CLNK: variants seen among roughly 807,000 people sequenced by gnomAD.
CLNK encodes the protein cytokine-dependent hematopoietic cell linker.
Under a neutral mutation model 68.6 loss-of-function variants are expected in CLNK, and 74 were observed. The ratio of observed to expected loss-of-function variants is 1.08; its 90% CI spans 0.89 to 1.31. The LOEUF is 1.31. CLNK is among the 50% of genes most tolerant of loss of function. The pLI is 0.00. For missense variants in CLNK, 553 were observed against 515.3 expected (o/e 1.07, Z -0.71); for synonymous variants, 198 against 172.2 (o/e 1.15, Z -1.17).
At chr4:10,696,717 C>A in the CLNK span, among the ~76,000 whole-genome samples, 83 of 152,270 alleles carry the variant, frequency 5.5e-4, no homozygotes, top group African/African-American at 2.0e-3. Context: ...CCCAGCCTGC[C>A]ACTTTCCCAT....
intron 4 of CLNK, among the ~76,000 whole-genome samples, chr4:10,574,760 G>A (rs1720490000): frequency 6.6e-6 from 1 of 152,190 alleles, no homozygotes; most frequent in South Asian, 2.1e-4. Context: ...GTTAAAGATT[G>A]ACCCCTGACC....
At chr4:10,540,642 G>T in intron 10 of CLNK, 38 bp from the exon 11 acceptor site, 1 of 1,449,316 alleles carries the variant, frequency 6.9e-7, no homozygotes, top group Non-Finnish European at 9.7e-7. Flanking sequence ...GAGAAAGTTT[G>T]CTGCAGCAGT....
At chr4:10,547,262 G>A (rs1719271767) in intron 8 of CLNK, among the ~76,000 whole-genome samples, 5 of 152,064 alleles carry the variant, frequency 3.3e-5, no homozygotes, top group Admixed American at 1.3e-4. Context: ...GTACAATGGC[G>A]CAAAAACTTT....
chr4:10,585,940 G>C (rs917437347), intron 3 of CLNK, among the ~76,000 whole-genome samples: 1 of 152,146 alleles, frequency 6.6e-6, no homozygotes, highest in East Asian at 1.9e-4. Flanking sequence ...TCCACAGATG[G>C]GGGTGGGGGA....
At chr4:10,497,539 G>C (rs976978395) in intron 18 of CLNK, among the ~76,000 whole-genome samples, 1 of 152,122 alleles carries the variant, frequency 6.6e-6, no homozygotes, top group African/African-American at 2.4e-5. Context: ...GGAGGCGGAG[G>C]GTCTAATCTA....
intron 2 of CLNK, among the ~76,000 whole-genome samples, chr4:10,629,405 G>T (rs191260653): frequency 6.6e-6 from 1 of 152,138 alleles, no homozygotes; most frequent in African/African-American, 2.4e-5. Context: ...GGGGAGGCAG[G>T]CTCCCTTTCC....
At chr4:10,700,379 A>T in the CLNK span, among the ~76,000 whole-genome samples, 1 of 152,204 alleles carries the variant, frequency 6.6e-6, no homozygotes, top group Non-Finnish European at 1.5e-5. Context: ...CTAACTCCAA[A>T]GCCAAATATA....
intron 2 of CLNK, among the ~76,000 whole-genome samples, chr4:10,620,971 G>C (rs918445372): frequency 6.6e-6 from 1 of 151,878 alleles, no homozygotes; most frequent in East Asian, 1.9e-4. Flanking sequence ...TTAGCCCGGC[G>C]TAGTGGTGGG....
At position 10,597,978 on chromosome 4, in the gene CLNK, C is replaced by G; in HGVS notation, c.83G>C (p.Arg28Thr). The G allele has an allele frequency of 6.4e-7, 1 of 1,567,492 alleles. No individual in the cohort carries two copies. Among genetic ancestry groups the G allele is most frequent in the Non-Finnish European group, 8.7e-7 (1 of 1,151,752 alleles). Residue 28 changes from arginine (R) to threonine (T), a missense_variant and splice_region_variant, in exon 3 of 19, where the codon AGG (arginine) becomes ACG (threonine). By Grantham distance (71) the Arg-to-Thr change is moderately conservative. Transcript: ENST00000226951. Reference protein sequence around the residue: ...KFQNFSLPKNRSWPRINSATG... With the variant: ...KFQNFSLPKNTSWPRINSATG... ...TTAATAAACAAGTAAATATTCTGAC[C>G]TGTTTTTTGGCAGACTGAAGTTCTG...
intron 8 of CLNK, among the ~76,000 whole-genome samples, chr4:10,544,330 A>G (rs899224738): frequency 1.3e-5 from 2 of 152,204 alleles, no homozygotes; most frequent in Admixed American, 1.3e-4. Context: ...AGCACATAGT[A>G]TGTGTTAGGT....
chr4:10,500,339 T>C (rs908152414), intron 18 of CLNK, among the ~76,000 whole-genome samples: 1 of 152,148 alleles, frequency 6.6e-6, no homozygotes, highest in Non-Finnish European at 1.5e-5. Context: ...TTTTCCTACA[T>C]CTAAGATAGG....
chr4:10,614,734 C>G (rs1400799967), intron 2 of CLNK, among the ~76,000 whole-genome samples: 1 of 152,226 alleles, frequency 6.6e-6, no homozygotes, highest in African/African-American at 2.4e-5. Context: ...ATCTGCAATA[C>G]AGTTGATGAC....
At chr4:10,632,662 T>A (rs1424435497) in intron 2 of CLNK, among the ~76,000 whole-genome samples, 1 of 152,236 alleles carries the variant, frequency 6.6e-6, no homozygotes. Context: ...CCCCCCTTTT[T>A]AAACACAACA....
chr4:10,606,023 T>C (rs1277101157), intron 2 of CLNK, among the ~76,000 whole-genome samples: 4 of 152,168 alleles, frequency 2.6e-5, no homozygotes, highest in Non-Finnish European at 4.4e-5. Context: ...ATGTTTATTT[T>C]AGAAACATTC....
In CLNK at chr4:10,598,055, A is replaced by G. The variant is rs1721453320; in HGVS notation, c.12-6T>C. 3 of 1,557,114 alleles carry G rather than the reference A, an allele frequency of 1.9e-6. No individual in the cohort carries two copies. In the East Asian group the frequency reaches 6.9e-5, roughly 36 times the overall value. ...TAGTTGTCTTTCTATTGCCCCTGGGATGAAAGAAAATAAATTATAGCTGGG... is the reference window on the plus strand; with the variant it reads ...TAGTTGTCTTTCTATTGCCCCTGGGGTGAAAGAAAATAAATTATAGCTGGG... On this transcript the variant is annotated splice_polypyrimidine_tract_variant and splice_region_variant and intron_variant, in intron 2 of 18. Coordinates refer to ENST00000226951, the MANE Select transcript of CLNK (RefSeq NM_052964.4).
intron 2 of CLNK, 67 bp downstream of exon 2, chr4:10,667,792 C>T: frequency 6.9e-7 from 1 of 1,455,700 alleles, no homozygotes. Context: ...GTTCATCTTC[C>T]AGAAAACACC....
At chr4:10,550,474 G>A (rs572491845) in intron 8 of CLNK, among the ~76,000 whole-genome samples, 15 of 152,102 alleles carry the variant, frequency 9.9e-5, no homozygotes, top group South Asian at 6.2e-4. Flanking sequence ...CAGCCTGGGC[G>A]GCACAGGGAG....
At chr4:10,577,598 C>T (rs1442215460) in intron 4 of CLNK, among the ~76,000 whole-genome samples, 2 of 152,084 alleles carry the variant, frequency 1.3e-5, no homozygotes, top group African/African-American at 4.8e-5. Flanking sequence ...CTTTTTATTT[C>T]TCCTTTTTGT....
intron 1 of CLNK, among the ~76,000 whole-genome samples, chr4:10,676,245 C>G (rs1422027928): frequency 6.6e-6 from 1 of 152,066 alleles, no homozygotes; most frequent in East Asian, 1.9e-4. Flanking sequence ...GATGCTCATA[C>G]TTAGAGGAAA....
Sources: allele counts gnomAD v4.1 joint callset (sites outside exome capture counted in the v4.1 genomes callset), GRCh38; gene constraint gnomAD v4.1.1; transcripts MANE v1.5; gene names NCBI Gene and HGNC (gene_info 2026-07-23, HGNC 2026-07-21).